Variants in UNC5D observed in about 807,000 individuals in gnomAD.
UNC5D encodes unc-5 netrin receptor D.
In UNC5D, 39 loss-of-function variants were observed where a neutral mutation model predicts 105.4. That is an observed-to-expected ratio of 0.37 (90% CI 0.29 to 0.48). The LOEUF is 0.48. Among genes scored for constraint, UNC5D ranks in the 20% least tolerant of loss-of-function variants. The pLI is 0.98. For missense variants in UNC5D, 991 were observed against 1,202.4 expected (o/e 0.82, Z 2.60); for synonymous variants, 452 against 450.4 (o/e 1.00, Z -0.04).
At chr8:35,705,792 A>G in intron 7 of UNC5D, 137 bp from the exon 8 acceptor site, 1 of 467,040 alleles carries the variant, frequency 2.1e-6, no homozygotes, top group African/African-American at 2.1e-5. Context: ...AACTATGGAC[A>G]ATGCCATTCC....
chr8:35,250,026 C>CT lies in UNC5D; in HGVS notation c.103+14147dup, dbSNP rs539794507. On this transcript the variant is annotated intron_variant, in intron 1 of 16. Transcript: ENST00000404895. ...TGCTTTGAATGTGTGTGGGCATTTA[C>CT]TTTTTTTTGTTTTTTTAAGTTATTT... Among the ~76,000 whole-genome samples, 307 of 151,396 alleles carry CT rather than the reference C, an allele frequency of 2.0e-3. 10 individuals carry two copies. The South Asian group carries it at 0.048, about 24-fold the overall frequency.
At chr8:35,567,083 A>G (rs551644896) in intron 2 of UNC5D, among the ~76,000 whole-genome samples, 1 of 152,220 alleles carries the variant, frequency 6.6e-6, no homozygotes, top group East Asian at 1.9e-4. Flanking sequence ...AACAAAAAAA[A>G]AAAAAACCAT....
chr8:35,492,710 A>T (rs150962116), intron 1 of UNC5D, among the ~76,000 whole-genome samples: 3 of 152,110 alleles, frequency 2.0e-5, no homozygotes, highest in African/African-American at 7.2e-5. Flanking sequence ...GAAATGAAGA[A>T]TGTAAGCAAT....
intron 4 of UNC5D, among the ~76,000 whole-genome samples, chr8:35,601,191 T>A (rs1819857465): frequency 6.6e-6 from 1 of 152,178 alleles, no homozygotes; most frequent in Non-Finnish European, 1.5e-5. Flanking sequence ...CATGCTGTTT[T>A]GGTTACTGTA....
intron 1 of UNC5D, among the ~76,000 whole-genome samples, chr8:35,425,925 C>T (rs954565681): frequency 3.9e-5 from 6 of 152,116 alleles, no homozygotes; most frequent in Non-Finnish European, 8.8e-5. Context: ...AACCTAAAAA[C>T]CATCTGGTTT....
chr8:35,677,387 C>T (rs180847151), intron 4 of UNC5D, among the ~76,000 whole-genome samples: 7 of 152,228 alleles, frequency 4.6e-5, no homozygotes, highest in Non-Finnish European at 8.8e-5. Context: ...GTGGGGGTCT[C>T]GTACCCAGCA....
intron 1 of UNC5D, among the ~76,000 whole-genome samples, chr8:35,395,445 CA>C (rs1207129613): frequency 6.6e-6 from 1 of 152,116 alleles, no homozygotes; most frequent in African/African-American, 2.4e-5. Flanking sequence ...GAAAAGAAAA[CA>C]GGAGATAGTG....
At chr8:35,611,902 TC>T (rs1336604358) in intron 4 of UNC5D, among the ~76,000 whole-genome samples, 54 of 152,362 alleles carry the variant, frequency 3.5e-4, no homozygotes, top group African/African-American at 1.3e-3. Context: ...TTAATGGTTT[TC>T]CACAGATTAA....
At chr8:35,546,432 T>C (rs1563521632) in intron 1 of UNC5D, among the ~76,000 whole-genome samples, 1 of 152,222 alleles carries the variant, frequency 6.6e-6, no homozygotes, top group Non-Finnish European at 1.5e-5. Flanking sequence ...TATCTGGCAT[T>C]TGTGCCAGAT....
At position 35,792,001 on chromosome 8, in the gene UNC5D, G is replaced by A. The variant is rs1803066947; in HGVS notation, c.*1438G>A. ...ATTTGCTCTTGCTCATCTTCTGGTG[G>A]ATATTTTAACTTGCTATTCACAATC... On this transcript the variant is annotated 3_prime_UTR_variant, in exon 17 of 17. Coordinates refer to ENST00000404895, the MANE Select transcript of UNC5D (RefSeq NM_080872.4). 1 of 152,070 alleles carries A rather than the reference G, an allele frequency of 6.6e-6. No individual in the cohort carries two copies. The highest frequency in any genetic ancestry group is 1.5e-5 in the Non-Finnish European group (1 of 68,020). The allele number at this position is 152,070 out of a possible 1,614,324, so 9.4% of individuals were successfully genotyped here.
At chr8:35,778,169 A>C (rs1047010882) in intron 16 of UNC5D, among the ~76,000 whole-genome samples, 8 of 152,216 alleles carry the variant, frequency 5.3e-5, no homozygotes, top group Admixed American at 1.3e-4. Context: ...AGAAAGTAAA[A>C]TGAAATATTT....
intron 14 of UNC5D, among the ~76,000 whole-genome samples, chr8:35,765,566 C>A (rs58496929): frequency 0.08 from 12,118 of 152,206 alleles, 1,342 homozygotes; most frequent in African/African-American, 0.25. Context: ...AATCTAAAGT[C>A]CATCCATCCC....
chr8:35,715,230 T>G (rs1828190539), intron 8 of UNC5D, among the ~76,000 whole-genome samples: 1 of 152,162 alleles, frequency 6.6e-6, no homozygotes, highest in Admixed American at 6.5e-5. Flanking sequence ...TACATTTTCT[T>G]AAAGGAAAGT....
rs13272838 is a variant in UNC5D at position 35,615,034 on chromosome 8, G to T, written c.570+19377G>T. Among the ~76,000 whole-genome samples the T allele has an allele frequency of 1.4e-4, 8 of 59,012 alleles. 1 individual carries two copies. Among genetic ancestry groups the T allele is most frequent in the Middle Eastern group, 8.9e-3 (1 of 112 alleles). The allele number at this position is 59,012 out of a possible 152,430, so 38.7% of individuals were successfully genotyped here. On this transcript the variant is annotated intron_variant, in intron 4 of 16. Coordinates refer to ENST00000404895, the MANE Select transcript of UNC5D (RefSeq NM_080872.4). ...AGACCAGCCTGGGCAACATAGTGAG[G>T]GGCCCCCCCCCCCCCGTCCCCCACC... is the stretch of plus-strand genomic sequence containing the variant.
intron 4 of UNC5D, among the ~76,000 whole-genome samples, chr8:35,630,705 A>T (rs1394511945): frequency 6.6e-6 from 1 of 152,180 alleles, no homozygotes; most frequent in Non-Finnish European, 1.5e-5. Flanking sequence ...TAAGGCGGGA[A>T]AAAGGCTGCT....
chr8:35,741,834 G>A (rs1829779137), intron 11 of UNC5D, among the ~76,000 whole-genome samples: 2 of 152,098 alleles, frequency 1.3e-5, no homozygotes, highest in Non-Finnish European at 2.9e-5. Context: ...CACCTTGCAT[G>A]TAGAAAATGC....
chr8:35,475,007 G>A (rs951693093), intron 1 of UNC5D, among the ~76,000 whole-genome samples: 1 of 152,044 alleles, frequency 6.6e-6, no homozygotes, highest in African/African-American at 2.4e-5. Flanking sequence ...AAGGAAATGG[G>A]GGTTGATTTC....
chr8:35,516,013 G>T (rs1000987380), intron 1 of UNC5D, among the ~76,000 whole-genome samples: 16 of 151,880 alleles, frequency 1.1e-4, no homozygotes, highest in African/African-American at 3.9e-4. Context: ...CTGAACTATT[G>T]TCTCCTGCCA....
rs1425428017 is a variant in UNC5D at position 35,726,349 on chromosome 8, T to C, written c.1501T>C (p.Tyr501His). 2 of 1,614,062 alleles carry C rather than the reference T, an allele frequency of 1.2e-6. No homozygotes were observed. The highest frequency in any genetic ancestry group is 2.2e-5 in the South Asian group (2 of 91,084). ...CCTGGGAGTGTCTGAGAGAGCTGAG[T>C]ACCACGGCAAGAATCATTCCAGGAC... ...VSLGVSERAE[Y>H]HGKNHSRTFP... Residue 501 changes from tyrosine to histidine, a missense_variant, in exon 10 of 17, where the codon TAC (tyrosine) becomes CAC (histidine). Physicochemically the swap from Tyr to His is moderately conservative, Grantham distance 83. Coordinates refer to ENST00000404895, the MANE Select transcript of UNC5D (RefSeq NM_080872.4).
Sources: gnomAD v4.1 joint callset for allele counts (sites outside exome capture counted in the v4.1 genomes callset) on GRCh38, gnomAD v4.1.1 for gene constraint, MANE v1.5 for transcripts, NCBI Gene and HGNC (gene_info 2026-07-23, HGNC 2026-07-21) for gene names.